Variants in HDAC8 observed in about 807,000 individuals in gnomAD.
The protein encoded by HDAC8 is histone deacetylase-like 1.
Under a neutral mutation model 32.2 loss-of-function variants are expected in HDAC8, and 1 was observed. The ratio of observed to expected loss-of-function variants is 0.03; its 90% CI spans 0.01 to 0.15. The LOEUF is 0.15. Among genes scored for constraint, HDAC8 ranks in the 10% least tolerant of loss-of-function variants. HDAC8 has a pLI of 1.00. For synonymous variants in HDAC8, 108 were observed against 113.9 expected, an observed-to-expected ratio of 0.95 and a Z score of 0.33; for missense variants, 117 against 300.0, an observed-to-expected ratio of 0.39 and a Z score of 4.51.
At chrX:72,389,583 A>T (rs1555963007) in intron 9 of HDAC8, among the ~76,000 whole-genome samples, 2 of 112,114 alleles carry the variant, frequency 1.8e-5, no homozygotes, top group East Asian at 2.8e-4. Context: ...TTTAGGGATG[A>T]AGAAACTGAG....
chrX:72,446,421 A>G (rs2050790361), intron 9 of HDAC8, among the ~76,000 whole-genome samples: 1 of 110,710 alleles, frequency 9.0e-6, no homozygotes, highest in African/African-American at 3.3e-5. Flanking sequence ...CATTCTCAGT[A>G]AACTATCGCA....
At chrX:72,560,183 G>A (rs2051492137) in intron 4 of HDAC8, among the ~76,000 whole-genome samples, 1 of 112,362 alleles carries the variant, frequency 8.9e-6, no homozygotes, top group Non-Finnish European at 1.9e-5. Flanking sequence ...GTAGAGGGAA[G>A]TAGACGTAGG....
intron 4 of HDAC8, among the ~76,000 whole-genome samples, chrX:72,555,608 C>A (rs2051257226): frequency 8.9e-6 from 1 of 112,101 alleles, no homozygotes; most frequent in South Asian, 3.7e-4. Context: ...ATGCAAAATG[C>A]ACTGGAAAGT....
At chrX:72,389,256 G>T (rs1236288281) in intron 9 of HDAC8, among the ~76,000 whole-genome samples, 1 of 111,961 alleles carries the variant, frequency 8.9e-6, no homozygotes, top group Non-Finnish European at 1.9e-5. Flanking sequence ...GCTAAAAAAG[G>T]ATACTGAGTC....
intron 4 of HDAC8, among the ~76,000 whole-genome samples, chrX:72,553,606 T>C (rs1344879686): frequency 2.7e-5 from 3 of 111,453 alleles, no homozygotes; most frequent in Non-Finnish European, 1.9e-5. Context: ...GAGGGAAAAA[T>C]ATATATACAA....
At chrX:72,549,931 G>T (rs782407357) in intron 4 of HDAC8, among the ~76,000 whole-genome samples, 12 of 111,737 alleles carry the variant, frequency 1.1e-4, no homozygotes, top group Admixed American at 2.8e-4. Context: ...ACTATTGCTA[G>T]AGTCATATTC....
At chrX:72,359,969 C>CG (rs1282515534) in intron 9 of HDAC8, among the ~76,000 whole-genome samples, 3 of 108,689 alleles carry the variant, frequency 2.8e-5, no homozygotes, top group Non-Finnish European at 5.7e-5. Context: ...GCATGAGAAT[C>CG]CTTGAACCCA....
chrX:72,381,153 C>G (rs977909398), intron 9 of HDAC8, among the ~76,000 whole-genome samples: 3 of 111,691 alleles, frequency 2.7e-5, no homozygotes, highest in Non-Finnish European at 3.8e-5. Flanking sequence ...TTTAACAAGC[C>G]CTAGGTAATT....
chrX:72,434,714 A>G (rs1555978553), intron 9 of HDAC8, among the ~76,000 whole-genome samples: 1 of 111,728 alleles, frequency 9.0e-6, no homozygotes, highest in Admixed American at 9.5e-5. Flanking sequence ...TGATATTTTT[A>G]CCAATATTTA....
intron 4 of HDAC8, among the ~76,000 whole-genome samples, chrX:72,521,811 T>C (rs1199029590): frequency 9.0e-6 from 1 of 111,091 alleles, no homozygotes; most frequent in African/African-American, 3.3e-5. Context: ...TAATCTTTGA[T>C]TGCCAAATCC....
intron 9 of HDAC8, among the ~76,000 whole-genome samples, chrX:72,407,559 A>G (rs1444874389): frequency 8.9e-6 from 1 of 112,153 alleles, no homozygotes; most frequent in East Asian, 2.8e-4. Flanking sequence ...TCACAACAAT[A>G]AGGGAAATAG....
In HDAC8 at chrX:72,378,925, T is replaced by C. The variant is rs1184904737; in HGVS notation, c.1006-27087A>G. Among the ~76,000 whole-genome samples the C allele has an allele frequency of 3.6e-5, 4 of 109,651 alleles. No individual in the cohort carries two copies. The East Asian group carries it at 8.6e-4, about 24-fold the overall frequency. On this transcript the variant is annotated intron_variant, in intron 9 of 10. Coordinates refer to ENST00000373573, the MANE Select transcript of HDAC8 (RefSeq NM_018486.3). ...AAGGCTGGAGTGCAATGGTGCAATA[T>C]TGGATCATTGCAACCTCCACCTCCA...
At chrX:72,564,191 T>C (rs1312902900) in intron 4 of HDAC8, among the ~76,000 whole-genome samples, 1 of 112,060 alleles carries the variant, frequency 8.9e-6, no homozygotes, top group Non-Finnish European at 1.9e-5. Context: ...ATGGTTTTAA[T>C]TTACATTTCT....
chrX:72,405,067 C>T (rs1243617467), intron 9 of HDAC8, among the ~76,000 whole-genome samples: 5 of 110,608 alleles, frequency 4.5e-5, no homozygotes, highest in African/African-American at 9.9e-5. Flanking sequence ...ATTTCATAAC[C>T]GAGGTAATTA....
chrX:72,548,088 T>C (rs2050920900), intron 4 of HDAC8, among the ~76,000 whole-genome samples: 1 of 112,177 alleles, frequency 8.9e-6, no homozygotes, highest in Non-Finnish European at 1.9e-5. Flanking sequence ...CCTATGCCTC[T>C]TGCAATCCAT....
intron 7 of HDAC8, among the ~76,000 whole-genome samples, chrX:72,477,261 T>C (rs1393523065): frequency 8.9e-6 from 1 of 111,909 alleles, no homozygotes; most frequent in Non-Finnish European, 1.9e-5. Context: ...GCTCTCTGCC[T>C]TAGTTTTTAC....
intron 4 of HDAC8, among the ~76,000 whole-genome samples, chrX:72,533,931 A>G (rs1051329157): frequency 9.0e-6 from 1 of 111,409 alleles, no homozygotes; most frequent in Admixed American, 9.6e-5. Flanking sequence ...TGCTTTCCCC[A>G]TAAGATCAGG....
At chrX:72,518,830 T>A (rs916471680) in intron 4 of HDAC8, among the ~76,000 whole-genome samples, 1 of 112,220 alleles carries the variant, frequency 8.9e-6, no homozygotes, top group Admixed American at 9.5e-5. Context: ...TATCAAATAG[T>A]TGGAATCATA....
intron 10 of HDAC8, among the ~76,000 whole-genome samples, chrX:72,331,039 C>T (rs530210967): frequency 4.8e-4 from 50 of 103,286 alleles, no homozygotes; most frequent in African/African-American, 1.6e-3. Context: ...TGCAATCTCC[C>T]GGGTTCAAGC....
Sources: allele counts gnomAD v4.1 joint callset (sites outside exome capture counted in the v4.1 genomes callset), GRCh38; gene constraint gnomAD v4.1.1; transcripts MANE v1.5; gene names NCBI Gene and HGNC (gene_info 2026-07-23, HGNC 2026-07-21).